IGSF10: variants seen among roughly 807,000 people sequenced by gnomAD.
IGSF10 encodes the protein immunoglobulin superfamily member 10.
A neutral mutation model predicts 128.2 loss-of-function variants in IGSF10; 126 were observed. That is an observed-to-expected ratio of 0.98 (90% CI 0.85 to 1.14). The LOEUF is 1.14. Ranked by LOEUF, IGSF10 falls within the 50% of genes most tolerant of loss-of-function variation. The probability of loss-of-function intolerance (pLI) is 0.00; values close to 1 mark genes in which losing one functional copy is unlikely to be tolerated. For synonymous variants in IGSF10, 1,185 were observed against 1,146.2 expected (o/e 1.03, Z -0.68); for missense variants, 3,295 against 3,149.8 (o/e 1.05, Z -1.10).
chr3:151,489,311 A>G, the IGSF10 span, among the ~76,000 whole-genome samples: 1 of 152,218 alleles, frequency 6.6e-6, no homozygotes, highest in African/African-American at 2.4e-5. Context: ...TGATCATTAA[A>G]AAGTAGGAAA....
intron 7 of IGSF10, among the ~76,000 whole-genome samples, chr3:151,439,692 G>A (rs534743274): frequency 1.3e-5 from 2 of 152,220 alleles, no homozygotes; most frequent in African/African-American, 2.4e-5. Context: ...CCCTCTATGG[G>A]CAGCTGTACA....
chr3:151,535,216 G>T, the IGSF10 span, among the ~76,000 whole-genome samples: 2 of 152,030 alleles, frequency 1.3e-5, no homozygotes, highest in African/African-American at 4.8e-5. Context: ...ATTATAATGT[G>T]GGCCACCACA....
At position 151,448,775 on chromosome 3, in the gene IGSF10, G is replaced by T; in HGVS notation, c.1206C>A (p.Tyr402Ter). 1 of 1,613,758 alleles carries T rather than the reference G, an allele frequency of 6.2e-7. No homozygotes were observed. The highest frequency in any genetic ancestry group is 8.5e-7 in the Non-Finnish European group (1 of 1,179,680). ...GCTTAGGAGCCACCTGTTTATATTT[G>T]TAATAGAGCTGCGGTGTTTCACTAA... ...HLLSETPQLY[Y>*]KYKQVAPKPE... The change falls in exon 6 of 8, where the codon TAC (tyrosine) becomes TAA (stop). Residue 402 changes from tyrosine (Y) to a stop codon, truncating the protein, a stop_gained. Coordinates refer to ENST00000282466, the MANE Select transcript of IGSF10 (RefSeq NM_178822.5). LOFTEE classifies it high-confidence loss of function.
the IGSF10 span, among the ~76,000 whole-genome samples, chr3:151,482,153 A>G: frequency 6.6e-6 from 1 of 152,250 alleles, no homozygotes; most frequent in Non-Finnish European, 1.5e-5. Context: ...AAAACAAGAT[A>G]CTATGAAAGG....
the IGSF10 span, among the ~76,000 whole-genome samples, chr3:151,594,103 A>G: frequency 6.6e-6 from 1 of 152,140 alleles, no homozygotes; most frequent in Admixed American, 6.5e-5. Flanking sequence ...AAATTCAAGT[A>G]GTTTCTATGT....
chr3:151,469,064 A>T, the IGSF10 span, among the ~76,000 whole-genome samples: 1 of 152,158 alleles, frequency 6.6e-6, no homozygotes, highest in Non-Finnish European at 1.5e-5. Context: ...AAAGGATATG[A>T]TTTCATTTCT....
rs1720956071 is a variant in IGSF10 at position 151,443,101 on chromosome 3, T to C, written c.5846A>G (p.Lys1949Arg). Residue 1949 changes from lysine to arginine, a missense_variant, in exon 7 of 8, where the codon AAA becomes AGA. Physicochemically the swap from Lys to Arg is conservative, Grantham distance 26 (BLOSUM62 2). Coordinates refer to ENST00000282466, the MANE Select transcript of IGSF10 (RefSeq NM_178822.5). ...GTCCCCAAAATTCACTTCAGTCCTT[T>C]TCTGGGATGCAGCTTCTATCCTGGG... is the stretch of plus-strand genomic sequence containing the variant. ...TSPRIEAASQ[K>R]RTEVNFGDKL... is the part of the protein sequence containing the mutation. The C allele has an allele frequency of 1.2e-6, 2 of 1,614,228 alleles. No individual in the cohort carries two copies. Among genetic ancestry groups the C allele is most frequent in the Admixed American group, 3.3e-5 (2 of 60,026 alleles).
the IGSF10 span, among the ~76,000 whole-genome samples, chr3:151,511,888 G>A: frequency 1.3e-5 from 2 of 152,166 alleles, no homozygotes; most frequent in Non-Finnish European, 2.9e-5. Context: ...TAATGGTAAA[G>A]GGATCAATTC....
chr3:151,480,574 G>A, the IGSF10 span, among the ~76,000 whole-genome samples: 1 of 152,090 alleles, frequency 6.6e-6, no homozygotes, highest in African/African-American at 2.4e-5. Flanking sequence ...GGCACAGTTA[G>A]AGTGCATGCT....
the IGSF10 span, among the ~76,000 whole-genome samples, chr3:151,503,032 T>C: frequency 6.6e-6 from 1 of 151,940 alleles, no homozygotes; most frequent in Admixed American, 6.6e-5. Flanking sequence ...TCAGAGTAAA[T>C]CAGAAATAAA....
the IGSF10 span, among the ~76,000 whole-genome samples, chr3:151,506,577 T>C: frequency 2.0e-5 from 3 of 152,208 alleles, no homozygotes; most frequent in African/African-American, 7.2e-5. Flanking sequence ...GGTGCTTTTC[T>C]GGCCACCTTC....
At chr3:151,617,818 C>T in the IGSF10 span, among the ~76,000 whole-genome samples, 1 of 151,954 alleles carries the variant, frequency 6.6e-6, no homozygotes, top group Admixed American at 6.6e-5. Flanking sequence ...GTTCTGCCCT[C>T]ATGAATGGAT....
In IGSF10 at chr3:151,436,766, C is replaced by G. The variant is rs201661662; in HGVS notation, c.7795G>C (p.Asp2599His). Residue 2599 changes from aspartate to histidine, a missense_variant, in exon 8 of 8, where the codon GAT (aspartate) becomes CAT (histidine). Transcript: ENST00000282466. Reference protein sequence around the residue: ...TLVIQNPQTSDSGIYKCTAKN... With the variant: ...TLVIQNPQTSHSGIYKCTAKN... ...GCTGTGCATTTGTATATCCCAGAAT[C>G]GGAGGTTTGGGGATTCTGAATGACT... 1 of 1,613,964 alleles carries G rather than the reference C, an allele frequency of 6.2e-7. No individual in the cohort carries two copies. Among genetic ancestry groups the G allele is most frequent in the East Asian group, 2.2e-5 (1 of 44,888 alleles).
the IGSF10 span, among the ~76,000 whole-genome samples, chr3:151,603,252 A>C: frequency 1.3e-5 from 2 of 152,316 alleles, no homozygotes; most frequent in African/African-American, 2.4e-5. Flanking sequence ...TCTGTTCTGT[A>C]GGCCTGATCT....
chr3:151,570,564 T>C, the IGSF10 span, among the ~76,000 whole-genome samples: 1 of 152,288 alleles, frequency 6.6e-6, no homozygotes, highest in South Asian at 2.1e-4. Context: ...TATCCTTTGC[T>C]CACTTTTTGA....
chr3:151,617,755 C>T, the IGSF10 span, among the ~76,000 whole-genome samples: 1 of 152,088 alleles, frequency 6.6e-6, no homozygotes, highest in Non-Finnish European at 1.5e-5. Context: ...AACTTAATCC[C>T]CAGTGTAACA....
At chr3:151,589,959 T>C in the IGSF10 span, among the ~76,000 whole-genome samples, 5 of 151,876 alleles carry the variant, frequency 3.3e-5, no homozygotes, top group African/African-American at 1.2e-4. Flanking sequence ...AGAGTTTACT[T>C]TTTTTTTAAG....
At chr3:151,545,836 A>T in the IGSF10 span, among the ~76,000 whole-genome samples, 1 of 152,154 alleles carries the variant, frequency 6.6e-6, no homozygotes, top group South Asian at 2.1e-4. Context: ...ATATTTGTTA[A>T]TTGAAATTGT....
rs753883128 is a variant in IGSF10, at chr3:151,446,014, G to T, written c.3967C>A (p.Pro1323Thr). 7 of 1,613,746 alleles carry T rather than the reference G, an allele frequency of 4.3e-6. No homozygotes were observed. The highest frequency in any genetic ancestry group is 2.2e-5 in the South Asian group (2 of 91,080). Residue 1323 changes from proline (P) to threonine (T), a missense_variant, in exon 6 of 8, where the codon CCT becomes ACT. Pro to Thr is a conservative substitution (Grantham distance 38). Coordinates refer to ENST00000282466, the MANE Select transcript of IGSF10 (RefSeq NM_178822.5). ...GTGATGACAGATGCAGGGAAGGTAG[G>T]AGTTGTTGCTGGTATTGCTGTTTGC... ...STQTAIPATT[P>T]TFPASVITYE...
Sources: gnomAD v4.1 joint callset for allele counts (sites outside exome capture counted in the v4.1 genomes callset) on GRCh38, gnomAD v4.1.1 for gene constraint, MANE v1.5 for transcripts, NCBI Gene and HGNC (gene_info 2026-07-23, HGNC 2026-07-21) for gene names.